The following ANKLE2 variants were observed in gnomAD, a reference collection of about 807,000 sequenced individuals.
ANKLE2 encodes the protein ankyrin repeat and LEM domain-containing protein 2.
Under a neutral mutation model 84.2 loss-of-function variants are expected in ANKLE2, and 55 were observed. The observed-to-expected ratio is 0.65, with a 90% CI of 0.53 to 0.82. ANKLE2 has a LOEUF of 0.82. Ranked by LOEUF, ANKLE2 falls within the 40% of genes least tolerant of loss-of-function variation. ANKLE2 has a pLI of 0.00. For synonymous variants in ANKLE2, 551 were observed against 486.1 expected (o/e 1.13, Z -1.76); for missense variants, 1,238 against 1,201.9 (o/e 1.03, Z -0.44).
At chr12:132,740,878 C>A (rs1051817546) in intron 7 of ANKLE2, among the ~76,000 whole-genome samples, 1 of 152,092 alleles carries the variant, frequency 6.6e-6, no homozygotes, top group Non-Finnish European at 1.5e-5. Flanking sequence ...GAGGGAGTGT[C>A]CCGGAGCCAA....
chr12:132,743,169 A>G lies in ANKLE2; in HGVS notation c.1338T>C (p.Asp446=), dbSNP rs958362505. 2 of 1,607,094 alleles carry G rather than the reference A, an allele frequency of 1.2e-6. No individual in the cohort carries two copies. The highest frequency in any genetic ancestry group is 1.3e-5 in the African/African-American group (1 of 74,770). ...LIVKNSRNKY[D]KTPEDVICER... ...AAGTACTTACATCTTCAGGTGTTTT[A>G]TCATATTTATTCCTTGAGTTTTTTA... The change falls in exon 6 of 13, where the codon GAT becomes GAC. Residue 446 remains aspartate, a synonymous_variant. Transcript: ENST00000357997. This position sits in a 1 kb window ranked among gnomAD's most constrained non-coding sequence, Gnocchi z 4.1.
rs912221648 is a variant in ANKLE2 at position 132,725,812 on chromosome 12, T to C, written c.*1430A>G. The C allele has an allele frequency of 2.6e-5, 4 of 152,212 alleles. No homozygotes were observed. Among genetic ancestry groups the C allele is most frequent in the African/African-American group, 9.7e-5 (4 of 41,448 alleles). 9.4% of individuals were successfully genotyped at this position (152,212 alleles called of 1,614,324 possible). A position where few individuals can be genotyped will look rare whatever the true frequency, so the allele number is the denominator to read the frequency against. On this transcript the variant is annotated 3_prime_UTR_variant, in exon 13 of 13. Coordinates refer to ENST00000357997, the MANE Select transcript of ANKLE2 (RefSeq NM_015114.3). ...CCAAGGTGCCTTTTAAAATGCGGCT[T>C]TTTAGAATAGCATGTGTTGTTTCTG...
At chr12:132,735,324 A>G in intron 9 of ANKLE2, 82 bp downstream of exon 9, 1 of 1,256,240 alleles carries the variant, frequency 8.0e-7, no homozygotes, top group Non-Finnish European at 1.2e-6. Flanking sequence ...TGGTACTTTG[A>G]AGCTGTGATT....
rs1240334798 is a variant in ANKLE2, at chr12:132,730,033, G to T, written c.2129C>A (p.Thr710Asn). 1 of 1,613,086 alleles carries T rather than the reference G, an allele frequency of 6.2e-7. No individual in the cohort carries two copies. Among genetic ancestry groups the T allele is most frequent in the Non-Finnish European group, 8.5e-7 (1 of 1,179,894 alleles). ...GGCCTTTGGTCTCTTGCCCGCCAGG[G>T]TCCTGCTGTGATTCAGAGGATGGCA... ...GLCHPLNHSR[T>N]LAGKRPKAPR... is the part of the protein sequence containing the mutation. The change falls in exon 11 of 13, where the codon ACC becomes AAC. Residue 710 changes from threonine (T) to asparagine (N), a missense_variant. Physicochemically the swap from Thr to Asn is moderately conservative, Grantham distance 65. Transcript: ENST00000357997.
chr12:132,753,899 G>C (rs116654563), intron 2 of ANKLE2, among the ~76,000 whole-genome samples: 3,925 of 152,240 alleles, frequency 0.026, 180 homozygotes, highest in African/African-American at 0.089. Context: ...CCACTGCAAT[G>C]CAGCCTAGGT....
chr12:132,750,366 A>G (rs549622133), intron 3 of ANKLE2, among the ~76,000 whole-genome samples: 15 of 152,150 alleles, frequency 9.9e-5, no homozygotes, highest in African/African-American at 3.1e-4. Context: ...CCAGGCTGGC[A>G]AAAGAACAAG....
chr12:132,732,554 T>A (rs1233601961), intron 10 of ANKLE2, among the ~76,000 whole-genome samples: 1 of 126,902 alleles, frequency 7.9e-6, no homozygotes, highest in Non-Finnish European at 1.7e-5. Context: ...GTGTCTGATA[T>A]GCACCGTGTG....
chr12:132,750,581 C>T, intron 3 of ANKLE2, 62 bp downstream of exon 3: 9 of 1,577,472 alleles, frequency 5.7e-6, no homozygotes, highest in Non-Finnish European at 7.8e-6. Context: ...GGAAAGAAGG[C>T]ACAAAACAGG....
In ANKLE2 at chr12:132,727,414, A is replaced by C; in HGVS notation, c.2645T>G (p.Phe882Cys). ...SWPSPAVKGR[F>C]KSQLPDLSGP... Reference sequence around the variant, plus strand: ...ACTGAGATCTGGCAGCTGAGACTTGAACCTTCCTTTCACCGCGGGACTGGG... The same window carrying C: ...ACTGAGATCTGGCAGCTGAGACTTGCACCTTCCTTTCACCGCGGGACTGGG... Residue 882 changes from phenylalanine (F) to cysteine (C), a missense_variant, in exon 13 of 13, where the codon TTC (phenylalanine) becomes TGC (cysteine). This residue lies in a region of ANKLE2 where 802 missense variants were observed against 774.5 expected (regional missense o/e 1.04). Coordinates refer to ENST00000357997, the MANE Select transcript of ANKLE2 (RefSeq NM_015114.3). 6.4e-7 allele frequency: 1 copy of C among 1,560,244 alleles called. No individual in the cohort carries two copies. The highest frequency in any genetic ancestry group is 1.2e-5 in the South Asian group (1 of 84,658).
intron 1 of ANKLE2, 78 bp downstream of exon 1, chr12:132,761,540 G>C (rs1017983498): frequency 4.1e-5 from 46 of 1,130,336 alleles, no homozygotes; most frequent in East Asian, 3.5e-5. Context: ...GGGCGCGGCC[G>C]GGACCCCAGG....
In ANKLE2 at chr12:132,733,695, T is replaced by C. The variant is rs1457535157; in HGVS notation, c.1891+690A>G. On this transcript the variant is annotated intron_variant, in intron 10 of 12. Transcript: ENST00000357997. ...CTGCGTCCTGGTGTCTGATATGCACTGTGTGAAGCGCTCTGCGTCCTGGTG... is the reference window on the plus strand; with the variant it reads ...CTGCGTCCTGGTGTCTGATATGCACCGTGTGAAGCGCTCTGCGTCCTGGTG... Among the ~76,000 whole-genome samples, 189 of 124,840 alleles carry C rather than the reference T, an allele frequency of 1.5e-3. No homozygotes were observed. The Middle Eastern group carries it at 0.035, about 23-fold the overall frequency. 81.9% of individuals were successfully genotyped at this position (124,840 alleles called of 152,430 possible).
intron 3 of ANKLE2, 122 bp from the exon 4 acceptor site, chr12:132,748,453 C>G (rs2044286833): frequency 8.8e-7 from 1 of 1,138,610 alleles, no homozygotes; most frequent in Non-Finnish European, 1.3e-6. Context: ...CTGGGAGGCA[C>G]AGGTGAGAAA....
chr12:132,727,356 G>T lies in ANKLE2; in HGVS notation c.2703C>A (p.Ser901Arg), dbSNP rs749678773. The part of the protein sequence containing the change: ...GPHSYSPGRN[S>R]VAGSNPAKPG... ...GCTTTGCGGGGTTGCTTCCAGCCAC[G>T]CTGTTTCTCCCCGGACTGTAGCTGT... is the stretch of plus-strand genomic sequence containing the variant. The change falls in exon 13 of 13, where the codon AGC (serine) becomes AGA (arginine). Residue 901 changes from serine (S) to arginine (R), a missense_variant. By Grantham distance (110) the Ser-to-Arg change is moderately radical. Around this residue, in one of 3 missense-constraint regions of ANKLE2, gnomAD observed 802 missense variants for 774.5 expected, o/e 1.04. Transcript: ENST00000357997. The T allele has an allele frequency of 9.6e-6, 15 of 1,562,020 alleles. No homozygotes were observed. In the South Asian group the frequency reaches 1.4e-4, roughly 15 times the overall value.
chr12:132,746,125 G>A (rs1593166863), intron 5 of ANKLE2, among the ~76,000 whole-genome samples: 2 of 151,900 alleles, frequency 1.3e-5, no homozygotes, highest in Non-Finnish European at 2.9e-5. Context: ...AAGGCGGGCC[G>A]ATCACGAGGT....
Position 132,761,660 on chromosome 12 carries a change from TC to T in ANKLE2, c.138del (p.Thr47ProfsTer17). ...GPRPGGLGRS[G>X]TPVPPPSAAA... is the part of the protein sequence containing the mutation. ...GCCGCGCTTGGCGGAGGAACTGGGG[TC>T]CCGCTGCGGCCCAGACCTCCCGGCC... is the stretch of plus-strand genomic sequence containing the variant. On this transcript the variant is annotated frameshift_variant, in exon 1 of 13. Transcript: ENST00000357997. LOFTEE classifies it high-confidence loss of function. 7.7e-7 allele frequency: 1 copy of T among 1,296,474 alleles called. No homozygotes were observed. Among genetic ancestry groups the T allele is most frequent in the Non-Finnish European group, 9.8e-7 (1 of 1,021,870 alleles). 80.3% of individuals were successfully genotyped at this position (1,296,474 alleles called of 1,614,324 possible).
chr12:132,732,758 C>A (rs1223471157), intron 10 of ANKLE2, among the ~76,000 whole-genome samples: 13 of 127,378 alleles, frequency 1.0e-4, no homozygotes, highest in African/African-American at 3.2e-4. Context: ...ATGTGAAGCA[C>A]TGCGCGTCCT....
Position 132,729,725 on chromosome 12 carries a change from G to A in ANKLE2, c.2437C>T (p.Gln813Ter). Residue 813 changes from glutamine (Q) to a stop codon, truncating the protein, a stop_gained, in exon 11 of 13, where the codon CAG (glutamine) becomes TAG (stop). Coordinates refer to ENST00000357997, the MANE Select transcript of ANKLE2 (RefSeq NM_015114.3). LOFTEE classifies it high-confidence loss of function. ...LSPSSPRHED[Q>*]LEVTREPARR... ...GCCGGTTCCCTGGTGACCTCGAGCT[G>A]ATCCTCGTGCCTGGGGCTGCTGGGA... 2 of 1,610,534 alleles carry A rather than the reference G, an allele frequency of 1.2e-6. No homozygotes were observed. Among genetic ancestry groups the A allele is most frequent in the Non-Finnish European group, 1.7e-6 (2 of 1,179,264 alleles).
intron 9 of ANKLE2, 187 bp downstream of exon 9, chr12:132,735,219 G>C: frequency 1.7e-6 from 1 of 604,634 alleles, no homozygotes; most frequent in Non-Finnish European, 2.9e-6. Flanking sequence ...CCCAGGTCTG[G>C]GACGGGACTG....
intron 1 of ANKLE2, chr12:132,758,422 T>A (rs554332817): frequency 1.3e-5 from 2 of 152,128 alleles, no homozygotes; most frequent in Non-Finnish European, 2.9e-5. Context: ...GGACGTCGCA[T>A]TGAAATTGGA....
Sources: gnomAD v4.1 joint callset for allele counts (sites outside exome capture counted in the v4.1 genomes callset) on GRCh38, gnomAD v4.1.1 for gene constraint, gnomAD v4.1.1 regional missense constraint, Gnocchi (gnomAD v3.1) non-coding constraint, MANE v1.5 for transcripts, NCBI Gene and HGNC (gene_info 2026-07-23, HGNC 2026-07-21) for gene names.